The following RALYL variants were observed in gnomAD, a reference collection of about 807,000 sequenced individuals.
The protein encoded by RALYL is RNA-binding Raly-like protein.
A neutral mutation model predicts 35.1 loss-of-function variants in RALYL; 29 were observed. The ratio of observed to expected loss-of-function variants is 0.83; its 90% confidence interval spans 0.61 to 1.13. The LOEUF (loss-of-function observed/expected upper bound fraction) is 1.13, where lower values mean the gene tolerates loss of function less well. Among genes scored for constraint, RALYL ranks in the 50% most tolerant of loss-of-function variants. RALYL has a pLI of 0.00. For missense variants in RALYL, 359 were observed against 360.4 expected, an observed-to-expected ratio of 1.00 and a Z score of 0.03; for synonymous variants, 120 against 127.6, an observed-to-expected ratio of 0.94 and a Z score of 0.40.
intron 1 of RALYL, among the ~76,000 whole-genome samples, chr8:84,411,592 C>A (rs1023837639): frequency 6.6e-5 from 10 of 151,988 alleles, no homozygotes; most frequent in South Asian, 2.1e-4. Context: ...TTCATCATCT[C>A]ACCATCCTGA....
chr8:84,512,649 G>A (rs2057719462), intron 1 of RALYL, among the ~76,000 whole-genome samples: 1 of 151,966 alleles, frequency 6.6e-6, no homozygotes, highest in East Asian at 1.9e-4. Flanking sequence ...TCCTTTAAGT[G>A]GTTTCATAGT....
At chr8:84,185,286 C>T (rs1198230417) in intron 1 of RALYL, 5 of 508,534 alleles carry the variant, frequency 9.8e-6, no homozygotes, top group Non-Finnish European at 1.8e-5. Context: ...AGAGTTTTCC[C>T]TCTTTTTAAC....
At chr8:84,268,372 C>T (rs986128267) in intron 1 of RALYL, among the ~76,000 whole-genome samples, 7 of 152,150 alleles carry the variant, frequency 4.6e-5, no homozygotes, top group African/African-American at 1.7e-4. Flanking sequence ...CCATGAGAGA[C>T]TTCACTTTTA....
intron 1 of RALYL, among the ~76,000 whole-genome samples, chr8:84,300,634 A>G (rs1018100335): frequency 2.6e-5 from 4 of 152,024 alleles, no homozygotes; most frequent in Non-Finnish European, 4.4e-5. Context: ...TGTTTGGTAC[A>G]TATATATTTA....
intron 2 of RALYL, among the ~76,000 whole-genome samples, chr8:84,677,930 C>T (rs376421569): frequency 6.6e-6 from 1 of 152,082 alleles, no homozygotes. Context: ...AATAAAACCA[C>T]GTTCTATTTC....
intron 1 of RALYL, among the ~76,000 whole-genome samples, chr8:84,350,688 G>T (rs193060841): frequency 6.7e-6 from 1 of 150,128 alleles, no homozygotes; most frequent in East Asian, 1.9e-4. Flanking sequence ...ATTATTATTG[G>T]GACAATACTG....
intron 4 of RALYL, among the ~76,000 whole-genome samples, chr8:84,822,518 T>C (rs1002405446): frequency 6.6e-6 from 1 of 152,174 alleles, no homozygotes; most frequent in Non-Finnish European, 1.5e-5. Context: ...AAATATTATA[T>C]GATAATAATG....
chr8:84,388,159 A>G (rs528979067), intron 1 of RALYL, among the ~76,000 whole-genome samples: 209 of 152,226 alleles, frequency 1.4e-3, no homozygotes, highest in African/African-American at 4.5e-3. Context: ...ATGTCCCTAC[A>G]AAGGACATGA....
chr8:84,842,799 C>A (rs1055579700), intron 4 of RALYL, among the ~76,000 whole-genome samples: 1 of 152,146 alleles, frequency 6.6e-6, no homozygotes. Context: ...CCCTGGGATG[C>A]AAGGCTGGTT....
chr8:84,750,318 A>G (rs1158958886), intron 2 of RALYL, among the ~76,000 whole-genome samples: 2 of 152,216 alleles, frequency 1.3e-5, no homozygotes, highest in South Asian at 4.1e-4. Flanking sequence ...TTTTAACAAG[A>G]TAGAAACTAC....
At chr8:84,343,111 TAAAG>T (rs1849167858) in intron 1 of RALYL, among the ~76,000 whole-genome samples, 1 of 152,078 alleles carries the variant, frequency 6.6e-6, no homozygotes, top group Non-Finnish European at 1.5e-5. Flanking sequence ...GAGTATATTT[TAAAG>T]ATTTAGTTCT....
intron 2 of RALYL, among the ~76,000 whole-genome samples, chr8:84,564,456 C>T (rs979142873): frequency 6.6e-6 from 1 of 151,836 alleles, no homozygotes; most frequent in East Asian, 1.9e-4. Flanking sequence ...TTATAACCTG[C>T]ATCTTTAGAG....
At chr8:84,905,806 G>A (rs1165102860) in intron 8 of RALYL, among the ~76,000 whole-genome samples, 2 of 150,130 alleles carry the variant, frequency 1.3e-5, no homozygotes, top group East Asian at 3.9e-4. Flanking sequence ...AAGCAATTAT[G>A]CATACTATTT....
intron 1 of RALYL, among the ~76,000 whole-genome samples, chr8:84,418,165 C>A (rs1398481677): frequency 6.6e-6 from 1 of 152,132 alleles, no homozygotes; most frequent in Non-Finnish European, 1.5e-5. Context: ...CATCCTCAAA[C>A]AGCACGGTGC....
chr8:84,310,327 C>T (rs1842532303), intron 1 of RALYL, among the ~76,000 whole-genome samples: 2 of 151,816 alleles, frequency 1.3e-5, no homozygotes, highest in Admixed American at 1.3e-4. Context: ...GCATGAGCCA[C>T]CATGCCTGGC....
chr8:84,229,914 A>T (rs1365974754), intron 1 of RALYL, among the ~76,000 whole-genome samples: 1 of 152,172 alleles, frequency 6.6e-6, no homozygotes, highest in African/African-American at 2.4e-5. Flanking sequence ...GGATAAGAAG[A>T]TTGCTTGTAG....
At chr8:84,482,873 G>T (rs955069127) in intron 1 of RALYL, among the ~76,000 whole-genome samples, 5 of 152,038 alleles carry the variant, frequency 3.3e-5, no homozygotes, top group Non-Finnish European at 7.4e-5. Context: ...GTAGGTCACT[G>T]ATTCACTGTT....
chr8:84,614,991 G>T (rs1819136028), intron 2 of RALYL, among the ~76,000 whole-genome samples: 1 of 151,472 alleles, frequency 6.6e-6, no homozygotes, highest in African/African-American at 2.4e-5. Flanking sequence ...ACTGTAAAAT[G>T]AGGCTTTAGA....
chr8:84,713,917 G>A (rs181309422), intron 2 of RALYL, among the ~76,000 whole-genome samples: 2 of 150,778 alleles, frequency 1.3e-5, no homozygotes, highest in Non-Finnish European at 3.0e-5. Context: ...ACATATACAT[G>A]TTTCATATAT....
Sources: gnomAD v4.1 joint callset for allele counts (sites outside exome capture counted in the v4.1 genomes callset) on GRCh38, gnomAD v4.1.1 for gene constraint, MANE v1.5 for transcripts, NCBI Gene and HGNC (gene_info 2026-07-23, HGNC 2026-07-21) for gene names.